Variants in GALNT2 observed in about 807,000 individuals in gnomAD.
GALNT2 encodes the protein UDP-GalNAc:polypeptide N-acetylgalactosaminyltransferase 2.
A neutral mutation model predicts 81.4 loss-of-function variants in GALNT2; 31 were observed. The ratio of observed to expected loss-of-function variants is 0.38; its 90% CI spans 0.29 to 0.51. GALNT2 has a LOEUF of 0.51. Ranked by LOEUF, GALNT2 falls within the 20% of genes least tolerant of loss-of-function variation. GALNT2 has a pLI of 0.87. For synonymous variants in GALNT2, 303 were observed against 287.4 expected, an observed-to-expected ratio of 1.05 and a Z score of -0.55; for missense variants, 629 against 765.7, an observed-to-expected ratio of 0.82 and a Z score of 2.11.
intron 1 of GALNT2, among the ~76,000 whole-genome samples, chr1:230,115,653 T>G (rs1195701940): frequency 6.6e-6 from 1 of 152,168 alleles, no homozygotes; most frequent in Non-Finnish European, 1.5e-5. Flanking sequence ...GCTGCGACAG[T>G]TTCTTAAAAG....
intron 1 of GALNT2, among the ~76,000 whole-genome samples, chr1:230,076,961 A>G (rs1479441371): frequency 6.6e-6 from 1 of 152,202 alleles, no homozygotes; most frequent in Non-Finnish European, 1.5e-5. Context: ...CTGCCCTAGA[A>G]AAATGACGCA....
chr1:230,160,252 A>G (rs1277761234), intron 1 of GALNT2, among the ~76,000 whole-genome samples: 1 of 152,186 alleles, frequency 6.6e-6, no homozygotes, highest in Non-Finnish European at 1.5e-5. Context: ...TGGGCCAGGC[A>G]TTGTACCAGG....
intron 1 of GALNT2, among the ~76,000 whole-genome samples, chr1:230,135,614 G>A (rs1421939163): frequency 6.6e-6 from 1 of 152,150 alleles, no homozygotes; most frequent in Non-Finnish European, 1.5e-5. Flanking sequence ...AGTGTGGGGG[G>A]CCCTTTGCAG....
At chr1:230,277,918 T>G (rs563919216) in intron 15 of GALNT2, among the ~76,000 whole-genome samples, 1 of 152,322 alleles carries the variant, frequency 6.6e-6, no homozygotes, top group African/African-American at 2.4e-5. Context: ...GTGAGAAAAT[T>G]TAATTCTGCA....
chr1:230,239,889 T>G (rs760997025), intron 6 of GALNT2, among the ~76,000 whole-genome samples: 9 of 152,258 alleles, frequency 5.9e-5, no homozygotes, highest in Non-Finnish European at 1.3e-4. Flanking sequence ...TACAACAGTC[T>G]GCTTAAGAGT....
chr1:230,274,504 G>T lies in GALNT2; in HGVS notation c.1500G>T (p.Val500=), dbSNP rs1301617787. 6.2e-7 allele frequency: 1 copy of T among 1,613,940 alleles called. No individual in the cohort carries two copies. The highest frequency in any genetic ancestry group is 1.3e-5 in the African/African-American group (1 of 74,944). The change falls in exon 15 of 16, where the codon GTG becomes GTT. Residue 500 remains valine (V), a synonymous_variant. Transcript: ENST00000366672. ...ACATGGATTTGTGCCTTACTGTGGT[G>T]GACCGGGCACCGGGCTCTCTTATAA... ...VKHMDLCLTV[V]DRAPGSLIKL... is the part of the protein sequence containing the mutation.
intron 14 of GALNT2, among the ~76,000 whole-genome samples, chr1:230,269,507 A>G (rs1030007075): frequency 6.6e-6 from 1 of 152,132 alleles, no homozygotes; most frequent in East Asian, 1.9e-4. Flanking sequence ...CTTTTACAAA[A>G]TGCTGATGCC....
At chr1:230,247,133 A>C (rs144895550) in intron 8 of GALNT2, among the ~76,000 whole-genome samples, 6,700 of 152,084 alleles carry the variant, frequency 0.044, 190 homozygotes, top group Non-Finnish European at 0.064. Context: ...ACTCGGGGCT[A>C]AGGTGGGAGG....
intron 1 of GALNT2, among the ~76,000 whole-genome samples, chr1:230,141,686 C>T (rs897742096): frequency 1.3e-5 from 2 of 152,036 alleles, no homozygotes; most frequent in Non-Finnish European, 2.9e-5. Flanking sequence ...GATCTAGTCA[C>T]CCATTGATGG....
At chr1:230,204,044 A>C (rs1294352701) in intron 3 of GALNT2, among the ~76,000 whole-genome samples, 3 of 151,902 alleles carry the variant, frequency 2.0e-5, no homozygotes, top group African/African-American at 7.3e-5. Context: ...AAGTCTCTCC[A>C]TTTGCTCAGG....
intron 1 of GALNT2, among the ~76,000 whole-genome samples, chr1:230,110,207 G>C (rs1200242717): frequency 1.3e-5 from 2 of 152,140 alleles, no homozygotes; most frequent in Non-Finnish European, 2.9e-5. Context: ...AATATACTAT[G>C]GTGGTTTTTA....
Position 230,243,501 on chromosome 1 carries a change from A to T in GALNT2, c.729+74A>T. The T allele has an allele frequency of 1.9e-6, 3 of 1,560,232 alleles. No individual in the cohort carries two copies. The highest frequency in any genetic ancestry group is 2.6e-6 in the Non-Finnish European group (3 of 1,158,276). On this transcript the variant is annotated intron_variant, in intron 7 of 15. Coordinates refer to ENST00000366672, the MANE Select transcript of GALNT2 (RefSeq NM_004481.5). The surrounding 1 kb of genome is among the most constrained non-coding windows in gnomAD (Gnocchi z 4.2). ...GAGGGGACAGAAGGGAGCATGGTCC[A>T]GGGGAGGTGTAACGCAGGGAGTAGG... is the stretch of plus-strand genomic sequence containing the variant.
chr1:230,182,756 T>C (rs1326113948), intron 2 of GALNT2, among the ~76,000 whole-genome samples: 1 of 152,242 alleles, frequency 6.6e-6, no homozygotes, highest in East Asian at 1.9e-4. Context: ...AGTTGATTGA[T>C]GGTGTTGTTG....
intron 1 of GALNT2, among the ~76,000 whole-genome samples, chr1:230,168,744 C>T (rs1299023238): frequency 6.6e-6 from 1 of 152,110 alleles, no homozygotes; most frequent in Non-Finnish European, 1.5e-5. Flanking sequence ...GAACATTGTG[C>T]AGAAAGTTCC....
intron 3 of GALNT2, among the ~76,000 whole-genome samples, chr1:230,234,828 T>C (rs765589379): frequency 6.6e-6 from 1 of 152,234 alleles, no homozygotes; most frequent in Non-Finnish European, 1.5e-5. Flanking sequence ...TTCCTCCTGA[T>C]GGGTTCTGCT....
rs551023253 is a variant in GALNT2, at chr1:230,155,241, A to C, written c.127-22977A>C. 1.4e-4 allele frequency among the ~76,000 whole-genome samples: 22 copies of C among 152,264 alleles called. No individual in the cohort carries two copies. The South Asian group carries it at 4.1e-3, about 29-fold the overall frequency. ...GAGGCAGTCACCGTTTGGGGCCTGC[A>C]TGGGGTTGTGAGAGCCCTTGTGCTG... On this transcript the variant is annotated intron_variant, in intron 1 of 15. Transcript: ENST00000366672.
intron 1 of GALNT2, among the ~76,000 whole-genome samples, chr1:230,122,663 C>A (rs760485708): frequency 6.6e-6 from 1 of 151,000 alleles, no homozygotes; most frequent in Non-Finnish European, 1.5e-5. Context: ...TGTGTTCATC[C>A]GTGTGTGTGT....
At chr1:230,167,092 C>CTTTT (rs59484402) in intron 1 of GALNT2, among the ~76,000 whole-genome samples, 1 of 147,242 alleles carries the variant, frequency 6.8e-6, no homozygotes, top group Non-Finnish European at 1.5e-5. Context: ...TTCTGAGACT[C>CTTTT]TTTTTTTTTT....
chr1:230,279,168 G>T lies in GALNT2; in HGVS notation c.1561-135G>T. 1 of 944,140 alleles carries T rather than the reference G, an allele frequency of 1.1e-6. No homozygotes were observed. The highest frequency in any genetic ancestry group is 1.5e-6 in the Non-Finnish European group (1 of 646,322). The allele number at this position is 944,140 out of a possible 1,614,324, so 58.5% of individuals were successfully genotyped here. On this transcript the variant is annotated intron_variant, in intron 15 of 15. Coordinates refer to ENST00000366672, the MANE Select transcript of GALNT2 (RefSeq NM_004481.5). The surrounding 1 kb of genome is among the most constrained non-coding windows in gnomAD (Gnocchi z 4.6). ...TGGGGCTGCTGCAAGCTCCTCGGCCGTTCAGATGAGAGGCTGGGAAAAACG... is the reference window on the plus strand; with the variant it reads ...TGGGGCTGCTGCAAGCTCCTCGGCCTTTCAGATGAGAGGCTGGGAAAAACG...
Sources: allele counts gnomAD v4.1 joint callset (sites outside exome capture counted in the v4.1 genomes callset), GRCh38; gene constraint gnomAD v4.1.1; non-coding constraint Gnocchi (gnomAD v3.1); transcripts MANE v1.5; gene names NCBI Gene and HGNC (gene_info 2026-07-23, HGNC 2026-07-21).